The following SKAP1 variants were observed in gnomAD, a reference collection of about 807,000 sequenced individuals.
SKAP1 encodes the protein src kinase-associated phosphoprotein 1.
Under a neutral mutation model 58.5 loss-of-function variants are expected in SKAP1, and 44 were observed. The observed-to-expected ratio is 0.75, with a 90% CI of 0.59 to 0.97. SKAP1 has a LOEUF of 0.97. Ranked by LOEUF, SKAP1 falls within the 50% of genes least tolerant of loss-of-function variation. The pLI is 0.00. For missense variants in SKAP1, 390 were observed against 435.2 expected (o/e 0.90, Z 0.92); for synonymous variants, 127 against 149.7 (o/e 0.85, Z 1.11).
At chr17:48,440,307 C>A in the SKAP1 span, among the ~76,000 whole-genome samples, 8 of 152,308 alleles carry the variant, frequency 5.3e-5, no homozygotes, top group Admixed American at 3.3e-4. Context: ...TTATCTCCAC[C>A]AGGGCAGCTC....
At chr17:48,299,824 A>C (rs975825284) in intron 4 of SKAP1, among the ~76,000 whole-genome samples, 2 of 152,216 alleles carry the variant, frequency 1.3e-5, no homozygotes, top group African/African-American at 4.8e-5. Context: ...AGGGAGTTTG[A>C]GCATGGCCTG....
chr17:48,165,699 C>T (rs1192946502), intron 10 of SKAP1, among the ~76,000 whole-genome samples: 1 of 152,184 alleles, frequency 6.6e-6, no homozygotes, highest in Admixed American at 6.5e-5. Context: ...TGTGCCCGGC[C>T]GACTTTGATT....
chr17:48,327,702 C>G (rs771192650), intron 4 of SKAP1, among the ~76,000 whole-genome samples: 2 of 152,210 alleles, frequency 1.3e-5, no homozygotes, highest in African/African-American at 4.8e-5. Flanking sequence ...AATCTTGGCT[C>G]ACTGCAGCCT....
At chr17:48,436,742 C>T in the SKAP1 span, among the ~76,000 whole-genome samples, 3 of 152,104 alleles carry the variant, frequency 2.0e-5, no homozygotes, top group East Asian at 5.8e-4. Flanking sequence ...TCCATCAAAT[C>T]TCATGTCCTT....
At position 48,294,119 on chromosome 17, in the gene SKAP1, T is replaced by A. The variant is rs1211157116; in HGVS notation, c.280+51786A>T. On this transcript the variant is annotated intron_variant, in intron 4 of 12. Transcript: ENST00000336915. Reference sequence around the variant, plus strand: ...ACACCTACAGAATCACCATTTGTTTTCTTAACAAAGCTTCAGGGGGCGCCA... The same window carrying A: ...ACACCTACAGAATCACCATTTGTTTACTTAACAAAGCTTCAGGGGGCGCCA... 3.9e-5 allele frequency among the ~76,000 whole-genome samples: 6 copies of A among 152,348 alleles called. No individual in the cohort carries two copies. In the South Asian group the frequency reaches 1.2e-3, roughly 32 times the overall value.
chr17:48,297,919 C>T (rs923839763), intron 4 of SKAP1, among the ~76,000 whole-genome samples: 19 of 152,086 alleles, frequency 1.2e-4, no homozygotes, highest in Admixed American at 1.2e-3. Context: ...ATAATATAAG[C>T]GGGAAAAGGT....
chr17:48,345,768 T>C (rs2066714498), intron 4 of SKAP1, 137 bp downstream of exon 4: 1 of 624,928 alleles, frequency 1.6e-6, no homozygotes, highest in Admixed American at 2.6e-5. Context: ...AAATAGTTGT[T>C]CTTTGCAAAC....
intron 1 of SKAP1, among the ~76,000 whole-genome samples, chr17:48,407,506 TA>T (rs2067602415): frequency 6.6e-6 from 1 of 152,176 alleles, no homozygotes; most frequent in South Asian, 2.1e-4. Flanking sequence ...CATACGGTTT[TA>T]TTTTTTTTAA....
At chr17:48,271,362 C>CTTTTTTTTTTTTT (rs35447830) in intron 4 of SKAP1, among the ~76,000 whole-genome samples, 2 of 106,276 alleles carry the variant, frequency 1.9e-5, no homozygotes, top group African/African-American at 6.9e-5. Flanking sequence ...TTCTTTGTTT[C>CTTTTTTTTTTTTT]TTTTTTTTTT....
intron 4 of SKAP1, among the ~76,000 whole-genome samples, chr17:48,289,293 T>A (rs2065871713): frequency 6.6e-6 from 1 of 152,098 alleles, no homozygotes; most frequent in Admixed American, 6.5e-5. Context: ...AAAACATGTT[T>A]CCTTATGAAA....
intron 1 of SKAP1, among the ~76,000 whole-genome samples, chr17:48,401,763 A>C (rs1020225792): frequency 2.0e-5 from 3 of 152,202 alleles, no homozygotes; most frequent in African/African-American, 7.2e-5. Flanking sequence ...AAATACAAAA[A>C]TAGACAAACA....
chr17:48,355,551 T>A (rs1220765949), intron 3 of SKAP1, among the ~76,000 whole-genome samples: 2 of 152,230 alleles, frequency 1.3e-5, no homozygotes, highest in East Asian at 3.8e-4. Context: ...GGGCTGAGAT[T>A]ACAGATGTGA....
chr17:48,252,418 T>C (rs190184677), intron 4 of SKAP1, among the ~76,000 whole-genome samples: 3 of 152,344 alleles, frequency 2.0e-5, no homozygotes, highest in Admixed American at 2.0e-4. Context: ...AGCAGCTCTA[T>C]AGAATTTTCT....
At chr17:48,249,447 C>G (rs2065335814) in intron 4 of SKAP1, among the ~76,000 whole-genome samples, 1 of 152,110 alleles carries the variant, frequency 6.6e-6, no homozygotes, top group South Asian at 2.1e-4. Flanking sequence ...CTGAGGTGGG[C>G]AGATGGCTTG....
At chr17:48,375,820 A>G (rs905880782) in intron 2 of SKAP1, among the ~76,000 whole-genome samples, 5 of 152,180 alleles carry the variant, frequency 3.3e-5, no homozygotes. Flanking sequence ...GTCTTTAAGG[A>G]TAAAGAATGA....
At chr17:48,414,527 C>T (rs2067708993) in intron 1 of SKAP1, among the ~76,000 whole-genome samples, 1 of 152,130 alleles carries the variant, frequency 6.6e-6, no homozygotes, top group Non-Finnish European at 1.5e-5. Flanking sequence ...AAAAGTAATA[C>T]AAAATCATTT....
intron 2 of SKAP1, among the ~76,000 whole-genome samples, chr17:48,376,467 T>G (rs1434160143): frequency 6.6e-6 from 1 of 152,186 alleles, no homozygotes; most frequent in East Asian, 1.9e-4. Flanking sequence ...TACAAAAACA[T>G]TTAAAACCTC....
At chr17:48,189,599 A>G (rs1421743754) in intron 4 of SKAP1, 99 bp from the exon 5 acceptor site, 2 of 753,042 alleles carry the variant, frequency 2.7e-6, no homozygotes, top group Middle Eastern at 2.4e-4. Flanking sequence ...GAGTACAAAA[A>G]GGGCAATTGC....
At chr17:48,372,264 G>A (rs1598624882) in intron 2 of SKAP1, among the ~76,000 whole-genome samples, 5 of 151,898 alleles carry the variant, frequency 3.3e-5, no homozygotes, top group South Asian at 4.2e-4. Flanking sequence ...GAGCCACCAC[G>A]TCTGGCCCTG....
Sources: gnomAD v4.1 joint callset for allele counts (sites outside exome capture counted in the v4.1 genomes callset) on GRCh38, gnomAD v4.1.1 for gene constraint, MANE v1.5 for transcripts, NCBI Gene and HGNC (gene_info 2026-07-23, HGNC 2026-07-21) for gene names.